The following TBXAS1 variants were observed in gnomAD, a reference collection of about 807,000 sequenced individuals.
TBXAS1 encodes the protein thromboxane-A synthase.
In TBXAS1, 48 loss-of-function variants were observed where a neutral mutation model predicts 60.7. The ratio of observed to expected loss-of-function variants is 0.79; its 90% CI spans 0.63 to 1.01. The LOEUF is 1.01. TBXAS1 is among the 50% of genes least tolerant of loss of function. The pLI is 0.00. For missense variants in TBXAS1, 685 were observed against 686.3 expected (o/e 1.00, Z 0.02); for synonymous variants, 287 against 269.7 (o/e 1.06, Z -0.63).
At chr7:139,805,664 TTC>T (rs1269913010) in intron 4 of TBXAS1, among the ~76,000 whole-genome samples, 4 of 68,628 alleles carry the variant, frequency 5.8e-5, no homozygotes, top group Non-Finnish European at 1.1e-4. Context: ...CTTTTTCTCT[TTC>T]TTTCTTTCTT....
chr7:139,983,299 C>T (rs1389792502), intron 9 of TBXAS1, among the ~76,000 whole-genome samples: 1 of 152,138 alleles, frequency 6.6e-6, no homozygotes, highest in African/African-American at 2.4e-5. Context: ...GGATTGGTGC[C>T]ATCTGTGACA....
intron 3 of TBXAS1, among the ~76,000 whole-genome samples, chr7:139,905,591 TC>T (rs1304717193): frequency 6.6e-6 from 1 of 152,220 alleles, no homozygotes; most frequent in Non-Finnish European, 1.5e-5. Flanking sequence ...TTCGGTTGCA[TC>T]CTTTCCTGGT....
chr7:139,874,906 C>A (rs978911786), intron 2 of TBXAS1, among the ~76,000 whole-genome samples: 1 of 152,176 alleles, frequency 6.6e-6, no homozygotes, highest in Non-Finnish European at 1.5e-5. Flanking sequence ...ACCAGCCTGG[C>A]CAACATGGTG....
chr7:139,934,861 G>A (rs770846175), intron 4 of TBXAS1, among the ~76,000 whole-genome samples: 15 of 152,116 alleles, frequency 9.9e-5, no homozygotes, highest in Non-Finnish European at 1.8e-4. Flanking sequence ...TGCCTAGGCT[G>A]GAGTGCAGTG....
chr7:139,861,068 G>A (rs1392686177), intron 1 of TBXAS1, among the ~76,000 whole-genome samples: 1 of 152,004 alleles, frequency 6.6e-6, no homozygotes, highest in Non-Finnish European at 1.5e-5. Flanking sequence ...CAGCTACTTG[G>A]GAGGCTGAGG....
intron 11 of TBXAS1, chr7:140,016,518 C>T: frequency 4.7e-6 from 1 of 213,604 alleles, no homozygotes. Flanking sequence ...TTCAGGTCTG[C>T]ACTGGAAAGT....
intron 3 of TBXAS1, among the ~76,000 whole-genome samples, chr7:139,895,099 G>A (rs146699828): frequency 2.2e-4 from 33 of 152,336 alleles, no homozygotes; most frequent in African/African-American, 6.5e-4. Context: ...TCATGGACCA[G>A]TGAAGGCAGA....
intron 1 of TBXAS1, among the ~76,000 whole-genome samples, chr7:139,862,014 T>C (rs916892138): frequency 2.6e-5 from 4 of 152,146 alleles, no homozygotes; most frequent in Non-Finnish European, 5.9e-5. Flanking sequence ...GTGTCTCAAG[T>C]GTTTCTGACT....
At chr7:140,010,404 G>T (rs1209390955) in intron 10 of TBXAS1, among the ~76,000 whole-genome samples, 1 of 152,174 alleles carries the variant, frequency 6.6e-6, no homozygotes, top group Non-Finnish European at 1.5e-5. Flanking sequence ...CTGTCTGAGC[G>T]CCACTGAGGT....
intron 1 of TBXAS1, among the ~76,000 whole-genome samples, chr7:139,838,073 T>C (rs1193863652): frequency 1.3e-5 from 2 of 152,098 alleles, no homozygotes; most frequent in East Asian, 3.9e-4. Context: ...CCCCTGTCGC[T>C]CTCTCCCCCA....
intron 4 of TBXAS1, among the ~76,000 whole-genome samples, chr7:139,801,382 CT>C (rs1206472229): frequency 1.2e-4 from 18 of 152,216 alleles, no homozygotes; most frequent in Non-Finnish European, 2.1e-4. Flanking sequence ...CTCTTCTGTT[CT>C]TTTTTTCTCT....
chr7:140,017,605 G>T, intron 11 of TBXAS1, 66 bp from the exon 12 acceptor site: 1 of 1,595,992 alleles, frequency 6.3e-7, no homozygotes. Context: ...GGCTCAGCTG[G>T]AGCACAGGGC....
chr7:139,873,426 C>T (rs949014155), intron 2 of TBXAS1, among the ~76,000 whole-genome samples: 1 of 152,128 alleles, frequency 6.6e-6, no homozygotes, highest in African/African-American at 2.4e-5. Context: ...TGCTGAAGTC[C>T]AGGGGTGAAG....
At chr7:139,859,394 G>T (rs574164279) in intron 1 of TBXAS1, among the ~76,000 whole-genome samples, 1 of 149,928 alleles carries the variant, frequency 6.7e-6, no homozygotes, top group Non-Finnish European at 1.5e-5. Context: ...TTTTAGTAGA[G>T]ACAGGGTTTC....
chr7:140,012,508 G>T (rs1814698633), intron 10 of TBXAS1, among the ~76,000 whole-genome samples: 1 of 151,660 alleles, frequency 6.6e-6, no homozygotes. Flanking sequence ...TGTCGCTCAG[G>T]TGTACAGTGG....
chr7:139,906,095 T>C, intron 3 of TBXAS1: 1 of 407,130 alleles, frequency 2.5e-6, no homozygotes, highest in Non-Finnish European at 4.8e-6. Flanking sequence ...TCACTCTGTC[T>C]CCCAGTCTGT....
chr7:139,822,178 T>C (rs1168614750), intron 4 of TBXAS1, among the ~76,000 whole-genome samples: 1 of 152,172 alleles, frequency 6.6e-6, no homozygotes, highest in Non-Finnish European at 1.5e-5. Context: ...CACAGGTCAT[T>C]TGAAAACAAA....
At chr7:139,987,818 A>T (rs1812609425) in intron 9 of TBXAS1, among the ~76,000 whole-genome samples, 1 of 152,180 alleles carries the variant, frequency 6.6e-6, no homozygotes, top group Non-Finnish European at 1.5e-5. Context: ...TACTTTTTGA[A>T]AAACCACATT....
chr7:139,861,202 C>T (rs1015570685), intron 1 of TBXAS1, among the ~76,000 whole-genome samples: 1 of 151,338 alleles, frequency 6.6e-6, no homozygotes, highest in Non-Finnish European at 1.5e-5. Context: ...TTCTTCACTT[C>T]TGACAGGATT....
Sources: gnomAD v4.1 joint callset for allele counts (sites outside exome capture counted in the v4.1 genomes callset) on GRCh38, gnomAD v4.1.1 for gene constraint, MANE v1.5 for transcripts, NCBI Gene and HGNC (gene_info 2026-07-23, HGNC 2026-07-21) for gene names.